Variants in RASGEF1B observed in about 807,000 individuals in gnomAD.
RASGEF1B encodes the protein RasGEF domain family member 1B, also known as ras-GEF domain-containing family member 1B.
A neutral mutation model predicts 65.7 loss-of-function variants in RASGEF1B; 30 were observed. That is an observed-to-expected ratio of 0.46 (90% CI 0.34 to 0.62). The LOEUF is 0.62. Ranked by LOEUF, RASGEF1B falls within the 20% of genes least tolerant of loss-of-function variation. The pLI, the probability that RASGEF1B is intolerant of heterozygous loss-of-function variation, is 0.01. For synonymous variants in RASGEF1B, 175 were observed against 194.8 expected, an observed-to-expected ratio of 0.90 and a Z score of 0.85; for missense variants, 495 against 580.1, an observed-to-expected ratio of 0.85 and a Z score of 1.51.
At position 81,427,732 on chromosome 4, in the gene RASGEF1B, A is replaced by AAGC. The variant is rs746718881; in HGVS notation, c.*33_*35dup. On this transcript the variant is annotated 3_prime_UTR_variant, in exon 14 of 14. Transcript: ENST00000264400. ...GGCCAGCCCCTCCATGATCTGCAGGAAGCAGCAGCAGCAGCAGGCAGGCAG... is the reference window on the plus strand; with the variant it reads ...GGCCAGCCCCTCCATGATCTGCAGGAAGCAGCAGCAGCAGCAGCAGGCAGGCAG... 11 of 1,612,140 alleles carry AAGC rather than the reference A, an allele frequency of 6.8e-6. No individual in the cohort carries two copies. Among genetic ancestry groups the AAGC allele is most frequent in the African/African-American group, 1.3e-5 (1 of 75,000 alleles).
At chr4:81,441,951 C>T (rs767581818) in intron 9 of RASGEF1B, among the ~76,000 whole-genome samples, 1 of 152,124 alleles carries the variant, frequency 6.6e-6, no homozygotes, top group Non-Finnish European at 1.5e-5. Flanking sequence ...GGGAACCCTT[C>T]CCCTGAGACA....
chr4:81,446,337 C>T (rs1578624573), intron 6 of RASGEF1B, among the ~76,000 whole-genome samples: 1 of 152,220 alleles, frequency 6.6e-6, no homozygotes, highest in Non-Finnish European at 1.5e-5. Flanking sequence ...CGTGCCACTG[C>T]ACTCTAGCGT....
intron 10 of RASGEF1B, among the ~76,000 whole-genome samples, chr4:81,440,490 G>A (rs1014394279): frequency 1.4e-4 from 21 of 152,284 alleles, no homozygotes; most frequent in African/African-American, 5.1e-4. Context: ...GCTACCTTGT[G>A]CAGAGCTTAA....
chr4:81,450,625 G>A (rs552962781), intron 4 of RASGEF1B, among the ~76,000 whole-genome samples: 1 of 152,050 alleles, frequency 6.6e-6, no homozygotes, highest in South Asian at 2.1e-4. Context: ...GGATGGTCTC[G>A]AACTCCTGAC....
intron 10 of RASGEF1B, among the ~76,000 whole-genome samples, chr4:81,436,040 C>T (rs757942260): frequency 3.0e-4 from 46 of 152,032 alleles, no homozygotes; most frequent in Non-Finnish European, 5.9e-4. Flanking sequence ...TCTCAGCCTC[C>T]CAAAGTGCCC....
At chr4:81,445,958 A>T in intron 6 of RASGEF1B, 120 bp from the exon 7 acceptor site, 1 of 684,412 alleles carries the variant, frequency 1.5e-6, no homozygotes, top group East Asian at 2.7e-5. Flanking sequence ...TTTGAGAACA[A>T]CAGAAAGAGA....
At chr4:81,456,446 A>G (rs549895235) in intron 4 of RASGEF1B, 1 of 680,516 alleles carries the variant, frequency 1.5e-6, no homozygotes, top group African/African-American at 1.8e-5. Context: ...TAATCACATA[A>G]AACTCTAGAT....
intron 1 of RASGEF1B, among the ~76,000 whole-genome samples, chr4:81,469,028 G>A (rs1722939413): frequency 1.3e-5 from 2 of 152,108 alleles, no homozygotes; most frequent in African/African-American, 4.8e-5. Context: ...ATAAGCAAAG[G>A]TTGCATGGAT....
intron 1 of RASGEF1B, among the ~76,000 whole-genome samples, chr4:81,469,181 G>A (rs1722942732): frequency 6.6e-6 from 1 of 152,082 alleles, no homozygotes; most frequent in Admixed American, 6.5e-5. Flanking sequence ...CAGTGCAATT[G>A]GCCTCTTTAA....
chr4:81,435,538 T>A (rs530622272), intron 10 of RASGEF1B, among the ~76,000 whole-genome samples: 1 of 130,184 alleles, frequency 7.7e-6, no homozygotes, highest in Non-Finnish European at 1.6e-5. Flanking sequence ...GTGCGATCTC[T>A]GCTCACTGCA....
intron 10 of RASGEF1B, among the ~76,000 whole-genome samples, chr4:81,435,337 GGAA>G (rs1467699907): frequency 6.7e-6 from 1 of 149,854 alleles, no homozygotes; most frequent in Admixed American, 6.6e-5. Context: ...CGTGAACCCG[GGAA>G]GCGGAGCTTG....
In RASGEF1B at chr4:81,432,352, A is replaced by G. The variant is rs1419999998; in HGVS notation, c.1344T>C (p.Tyr448=). The G allele has an allele frequency of 3.7e-6, 6 of 1,608,710 alleles. No individual in the cohort carries two copies. The South Asian group carries it at 6.6e-5, about 18-fold the overall frequency. The change falls in exon 13 of 14, where the codon TAT becomes TAC. Residue 448 remains tyrosine (Y), a synonymous_variant. Coordinates refer to ENST00000264400, the MANE Select transcript of RASGEF1B (RefSeq NM_152545.3). ...FSEDALYLAS[Y]ESEGPENHIE... The stretch of plus-strand genomic sequence containing the variant: ...TATGATTTTCAGGTCCTTCACTCTC[A>G]TAAGAAGCCAAGTAGAGAGCTACAA...
intron 1 of RASGEF1B, among the ~76,000 whole-genome samples, chr4:81,466,345 G>A (rs982897244): frequency 1.2e-4 from 19 of 152,154 alleles, no homozygotes; most frequent in Admixed American, 8.5e-4. Flanking sequence ...CTTTCGCCCT[G>A]CTAGAATACA....
At chr4:81,450,412 C>T (rs1722212242) in intron 4 of RASGEF1B, among the ~76,000 whole-genome samples, 1 of 152,120 alleles carries the variant, frequency 6.6e-6, no homozygotes, top group Non-Finnish European at 1.5e-5. Flanking sequence ...GTTGCCCAGG[C>T]TGGAGTGTAG....
At chr4:81,447,682 A>T in intron 5 of RASGEF1B, 104 bp from the exon 6 acceptor site, 1 of 845,982 alleles carries the variant, frequency 1.2e-6, no homozygotes. Context: ...TTTTTAATGA[A>T]GATTATAAAA....
intron 4 of RASGEF1B, among the ~76,000 whole-genome samples, chr4:81,450,739 C>A (rs1173726725): frequency 6.6e-6 from 1 of 152,042 alleles, no homozygotes; most frequent in Non-Finnish European, 1.5e-5. Flanking sequence ...CGGACACCTG[C>A]AGTCCCAGTT....
chr4:81,435,717 C>T (rs970678269), intron 10 of RASGEF1B, among the ~76,000 whole-genome samples: 5 of 149,528 alleles, frequency 3.3e-5, no homozygotes, highest in South Asian at 2.1e-4. Context: ...CCTTGTGATC[C>T]GCCCGCCTTG....
chr4:81,446,113 G>A (rs1027207955), intron 6 of RASGEF1B, among the ~76,000 whole-genome samples: 3 of 152,190 alleles, frequency 2.0e-5, no homozygotes, highest in African/African-American at 4.8e-5. Context: ...GGTGGCTCAC[G>A]CCTGTAATCC....
At position 81,465,161 on chromosome 4, in the gene RASGEF1B, G is replaced by T. The variant is rs550906997; in HGVS notation, c.-6-5647C>A. ...TAGTACCTATCAAACTGAGTTAAGA[G>T]AATAAAATAATCATAATTATTTTGG... is the stretch of plus-strand genomic sequence containing the variant. On this transcript the variant is annotated intron_variant, in intron 1 of 13. Coordinates refer to ENST00000264400, the MANE Select transcript of RASGEF1B (RefSeq NM_152545.3). 6.1e-4 allele frequency among the ~76,000 whole-genome samples: 93 copies of T among 151,808 alleles called. No homozygotes were observed. In the South Asian group the frequency reaches 0.011, roughly 17 times the overall value.
Sources: allele counts gnomAD v4.1 joint callset (sites outside exome capture counted in the v4.1 genomes callset), GRCh38; gene constraint gnomAD v4.1.1; transcripts MANE v1.5; gene names NCBI Gene and HGNC (gene_info 2026-07-23, HGNC 2026-07-21).